Variants in TXK observed in about 807,000 individuals in gnomAD.
TXK encodes the protein tyrosine-protein kinase TXK.
TXK carries 60 observed loss-of-function variants against 81.0 expected under a neutral mutation model. The observed-to-expected ratio is 0.74, with a 90% CI of 0.60 to 0.92. The LOEUF (loss-of-function observed/expected upper bound fraction) is 0.92, where lower values mean the gene tolerates loss of function less well. TXK is among the 40% of genes least tolerant of loss of function. The pLI, the probability that TXK is intolerant of heterozygous loss-of-function variation, is 0.00. For missense variants in TXK, 581 were observed against 638.3 expected (o/e 0.91, Z 0.97); for synonymous variants, 203 against 210.7 (o/e 0.96, Z 0.32).
chr4:48,123,924 C>T (rs1719020546), intron 1 of TXK, among the ~76,000 whole-genome samples: 1 of 152,188 alleles, frequency 6.6e-6, no homozygotes, highest in Admixed American at 6.5e-5. Flanking sequence ...GCTCTGTTCT[C>T]ACAGACACGT....
At position 48,086,565 on chromosome 4, in the gene TXK, T is replaced by C; in HGVS notation, c.857A>G (p.His286Arg). 1.2e-6 allele frequency: 2 copies of C among 1,614,128 alleles called. No individual in the cohort carries two copies. The highest frequency in any genetic ancestry group is 1.3e-5 in the African/African-American group (1 of 75,042). Residue 286 changes from histidine (H) to arginine (R), a missense_variant, in exon 10 of 15, where the codon CAT becomes CGT. His to Arg is a conservative substitution (Grantham distance 29). Coordinates refer to ENST00000264316, the MANE Select transcript of TXK (RefSeq NM_003328.3). ...GATATGTGACCGCCATTCACCTAAA[T>C]GGACCACTCCAAACTGACCGCTTCC... ...EIGSGQFGVV[H>R]LGEWRSHIQV... is the part of the protein sequence containing the mutation.
chr4:48,067,997 G>C (rs1006653918), intron 14 of TXK, among the ~76,000 whole-genome samples: 16 of 152,342 alleles, frequency 1.1e-4, no homozygotes, highest in Admixed American at 7.8e-4. Context: ...AGCACAGCAT[G>C]ATTGGCAGTT....
chr4:48,086,427 G>A, intron 10 of TXK, 39 bp downstream of exon 10: 6 of 1,602,590 alleles, frequency 3.7e-6, no homozygotes, highest in Non-Finnish European at 4.3e-6. Context: ...TGACACCAGG[G>A]CATGGTATGA....
intron 9 of TXK, 100 bp downstream of exon 9, chr4:48,089,650 C>T: frequency 1.0e-6 from 1 of 998,804 alleles, no homozygotes; most frequent in Non-Finnish European, 1.5e-6. Flanking sequence ...CCTTTGCCTC[C>T]CAAAGTGCTA....
intron 1 of TXK, among the ~76,000 whole-genome samples, chr4:48,117,805 G>A (rs1021628228): frequency 3.3e-5 from 5 of 152,200 alleles, no homozygotes; most frequent in Admixed American, 2.0e-4. Flanking sequence ...TTTGCAAGAT[G>A]TTGTCTTCCA....
chr4:48,111,920 G>T (rs1161951910), intron 4 of TXK, among the ~76,000 whole-genome samples: 1 of 152,222 alleles, frequency 6.6e-6, no homozygotes, highest in African/African-American at 2.4e-5. Context: ...AAACATAAAA[G>T]TGAATAAAAT....
chr4:48,108,390 T>C (rs1577674327), intron 5 of TXK, among the ~76,000 whole-genome samples: 1 of 152,212 alleles, frequency 6.6e-6, no homozygotes, highest in East Asian at 1.9e-4. Flanking sequence ...ACAGATAGAA[T>C]AGATACTATT....
At chr4:48,104,317 A>T (rs71611578) in intron 6 of TXK, among the ~76,000 whole-genome samples, 1 of 2,262 alleles carries the variant, frequency 4.4e-4, no homozygotes, top group Non-Finnish European at 6.2e-4. Context: ...TAATATATAT[A>T]ATATATAATA....
chr4:48,121,906 C>G (rs74505724), intron 1 of TXK, among the ~76,000 whole-genome samples: 2,601 of 152,172 alleles, frequency 0.017, 80 homozygotes, highest in African/African-American at 0.059. Context: ...GAACTGTACA[C>G]TCAAATATGG....
At chr4:48,074,743 T>C (rs896985991) in intron 12 of TXK, among the ~76,000 whole-genome samples, 2 of 152,154 alleles carry the variant, frequency 1.3e-5, no homozygotes, top group Non-Finnish European at 2.9e-5. Context: ...ATATACAATA[T>C]AGTGTTTTCA....
At chr4:48,070,571 C>CTTAT (rs1186241861) in intron 14 of TXK, among the ~76,000 whole-genome samples, 54 of 152,064 alleles carry the variant, frequency 3.6e-4, no homozygotes, top group African/African-American at 8.2e-4. Context: ...TATTTATTTG[C>CTTAT]TTATTTATTT....
At chr4:48,093,211 T>C (rs1216159610) in intron 8 of TXK, among the ~76,000 whole-genome samples, 1 of 152,206 alleles carries the variant, frequency 6.6e-6, no homozygotes, top group African/African-American at 2.4e-5. Flanking sequence ...ATCCCACAAG[T>C]GGATAAAAAT....
At chr4:48,083,511 TA>T (rs1258840279) in intron 10 of TXK, among the ~76,000 whole-genome samples, 1 of 152,230 alleles carries the variant, frequency 6.6e-6, no homozygotes, top group Non-Finnish European at 1.5e-5. Context: ...GGCATGTCCT[TA>T]ACCTTGGCCA....
intron 1 of TXK, among the ~76,000 whole-genome samples, chr4:48,127,778 C>T (rs529771543): frequency 3.0e-4 from 46 of 152,236 alleles, no homozygotes; most frequent in South Asian, 1.9e-3. Context: ...CTTTAGAAAC[C>T]GGCACATCTG....
At chr4:48,074,825 A>C (rs1387621144) in intron 12 of TXK, among the ~76,000 whole-genome samples, 2 of 152,140 alleles carry the variant, frequency 1.3e-5, no homozygotes, top group East Asian at 3.9e-4. Flanking sequence ...ACCTGTCAGC[A>C]CTTTATTGAG....
intron 14 of TXK, among the ~76,000 whole-genome samples, chr4:48,068,312 G>C (rs1385911017): frequency 6.6e-6 from 1 of 152,108 alleles, no homozygotes; most frequent in Non-Finnish European, 1.5e-5. Context: ...GGGAGAAGGG[G>C]CATCTAGCAT....
chr4:48,101,834 G>A (rs1052573480), intron 6 of TXK, among the ~76,000 whole-genome samples: 17 of 150,184 alleles, frequency 1.1e-4, no homozygotes, highest in Non-Finnish European at 2.2e-4. Context: ...GAAAATTTGA[G>A]AAATGTGACC....
chr4:48,082,562 G>A (rs1265126641), intron 10 of TXK, among the ~76,000 whole-genome samples: 1 of 152,166 alleles, frequency 6.6e-6, no homozygotes, highest in Non-Finnish European at 1.5e-5. Flanking sequence ...AGCCCCCACT[G>A]ATATGGACAG....
intron 8 of TXK, among the ~76,000 whole-genome samples, chr4:48,090,929 C>T (rs1426853969): frequency 6.6e-6 from 1 of 152,210 alleles, no homozygotes; most frequent in Non-Finnish European, 1.5e-5. Context: ...AAGACAGAAA[C>T]GAGCTTGACC....
Sources: allele counts gnomAD v4.1 joint callset (sites outside exome capture counted in the v4.1 genomes callset), GRCh38; gene constraint gnomAD v4.1.1; transcripts MANE v1.5; gene names NCBI Gene and HGNC (gene_info 2026-07-23, HGNC 2026-07-21).